The following INPP4B variants were observed in gnomAD, a reference collection of about 807,000 sequenced individuals.
INPP4B encodes inositol polyphosphate-4-phosphatase type II B.
In INPP4B, 55 loss-of-function variants were observed where a neutral mutation model predicts 122.5. That is an observed-to-expected ratio of 0.45 (90% CI 0.36 to 0.56). INPP4B has a LOEUF of 0.56. INPP4B is among the 20% of genes least tolerant of loss of function. The pLI is 0.00. For missense variants in INPP4B, 1,000 were observed against 1,097.7 expected (o/e 0.91, Z 1.26); for synonymous variants, 403 against 388.7 (o/e 1.04, Z -0.43).
intron 2 of INPP4B, among the ~76,000 whole-genome samples, chr4:142,465,218 A>G (rs1212577235): frequency 2.0e-5 from 3 of 152,176 alleles, no homozygotes; most frequent in Admixed American, 1.3e-4. Flanking sequence ...CAACTGTCCT[A>G]TGTGAGCCTG....
At chr4:142,473,174 G>T (rs531165419) in intron 2 of INPP4B, 1 of 152,260 alleles carries the variant, frequency 6.6e-6, no homozygotes, top group Non-Finnish European at 1.5e-5. Context: ...CCTTTTTGGG[G>T]GAAAGGCCAA....
At chr4:142,620,812 C>T (rs1255451668) in intron 2 of INPP4B, among the ~76,000 whole-genome samples, 1 of 151,730 alleles carries the variant, frequency 6.6e-6, no homozygotes, top group Non-Finnish European at 1.5e-5. Flanking sequence ...TCAGATTATT[C>T]CTTGTGTTTC....
At chr4:142,656,696 C>A (rs1023056870) in intron 2 of INPP4B, among the ~76,000 whole-genome samples, 2 of 152,172 alleles carry the variant, frequency 1.3e-5, no homozygotes, top group African/African-American at 4.8e-5. Flanking sequence ...GGTGGAGGAA[C>A]CATTTGCACA....
chr4:142,076,661 T>C (rs1221691846), intron 25 of INPP4B, among the ~76,000 whole-genome samples: 2 of 151,852 alleles, frequency 1.3e-5, no homozygotes, highest in Non-Finnish European at 2.9e-5. Context: ...AGTCAAAAAA[T>C]AGCACACCAA....
At chr4:142,406,225 T>C (rs1002456486) in intron 5 of INPP4B, among the ~76,000 whole-genome samples, 1 of 152,152 alleles carries the variant, frequency 6.6e-6, no homozygotes, top group Non-Finnish European at 1.5e-5. Context: ...CAAGTTAAAT[T>C]CGGCTGGTGG....
chr4:142,229,765 C>T (rs925884576), intron 12 of INPP4B, among the ~76,000 whole-genome samples: 2 of 152,164 alleles, frequency 1.3e-5, no homozygotes, highest in Non-Finnish European at 2.9e-5. Flanking sequence ...AATAATACTA[C>T]AAGGAATCAA....
intron 15 of INPP4B, among the ~76,000 whole-genome samples, chr4:142,178,052 A>T (rs944516696): frequency 2.0e-5 from 3 of 152,132 alleles, no homozygotes; most frequent in Non-Finnish European, 4.4e-5. Context: ...CTGGACTCCA[A>T]TGAAAACAAA....
chr4:142,579,170 A>C (rs778096000), intron 2 of INPP4B, among the ~76,000 whole-genome samples: 11 of 152,074 alleles, frequency 7.2e-5, no homozygotes, highest in Non-Finnish European at 1.5e-4. Flanking sequence ...GTAGGGAGGG[A>C]AGCAAGTGTT....
chr4:142,163,138 G>T (rs1284366642), intron 16 of INPP4B, among the ~76,000 whole-genome samples: 2 of 151,752 alleles, frequency 1.3e-5, no homozygotes, highest in South Asian at 2.1e-4. Flanking sequence ...CTGTGCTTTT[G>T]CTTTCCCATG....
intron 16 of INPP4B, among the ~76,000 whole-genome samples, chr4:142,169,689 A>G (rs886712975): frequency 2.0e-5 from 3 of 151,752 alleles, no homozygotes; most frequent in Non-Finnish European, 4.4e-5. Flanking sequence ...CTGTGAGTAT[A>G]GCCTCTAACA....
chr4:142,654,389 A>AAAAAAAAAAAAAAAAAAAAAAAAAAAC (rs1553983869), intron 2 of INPP4B: 1 of 148,522 alleles, frequency 6.7e-6, no homozygotes. Flanking sequence ...AAAAAAAAAA[A>AAAAAAAAAAAAAAAAAAAAAAAAAAAC]CATAAAATGA....
chr4:142,114,725 C>T (rs1253850963), intron 21 of INPP4B, among the ~76,000 whole-genome samples: 1 of 151,836 alleles, frequency 6.6e-6, no homozygotes, highest in African/African-American at 2.4e-5. Context: ...TGTCTTTTTA[C>T]TTACTTAATG....
chr4:142,770,410 AGAAGAT>A (rs1431522601), intron 1 of INPP4B, among the ~76,000 whole-genome samples: 11 of 152,180 alleles, frequency 7.2e-5, no homozygotes, highest in Admixed American at 2.0e-4. Context: ...CAGCTTATAG[AGAAGAT>A]GAACTTTTCT....
intron 7 of INPP4B, among the ~76,000 whole-genome samples, chr4:142,335,497 G>A (rs924445341): frequency 2.6e-5 from 4 of 152,152 alleles, no homozygotes; most frequent in African/African-American, 9.7e-5. Context: ...CCTTAAGGAT[G>A]TCTTTGCTTC....
chr4:142,334,525 C>T (rs1775866184), intron 7 of INPP4B, among the ~76,000 whole-genome samples: 1 of 152,076 alleles, frequency 6.6e-6, no homozygotes, highest in African/African-American at 2.4e-5. Context: ...TTGAGGAACC[C>T]CCATACTGTT....
At chr4:142,308,997 G>C (rs913147621) in intron 8 of INPP4B, among the ~76,000 whole-genome samples, 1 of 151,950 alleles carries the variant, frequency 6.6e-6, no homozygotes, top group African/African-American at 2.4e-5. Flanking sequence ...TGAAGTCTGC[G>C]GTCTTGAACA....
chr4:142,393,607 C>T (rs948987028), intron 7 of INPP4B, among the ~76,000 whole-genome samples: 3 of 152,208 alleles, frequency 2.0e-5, no homozygotes, highest in Non-Finnish European at 4.4e-5. Flanking sequence ...AAACTAAATA[C>T]GGCCTGAGAA....
chr4:142,578,063 C>G (rs1437686814), intron 2 of INPP4B, among the ~76,000 whole-genome samples: 2 of 151,928 alleles, frequency 1.3e-5, no homozygotes, highest in South Asian at 4.1e-4. Flanking sequence ...GGAAAAACCA[C>G]ACAAAGGTGC....
At chr4:142,076,261 A>G (rs532549854) in intron 25 of INPP4B, among the ~76,000 whole-genome samples, 70 of 152,084 alleles carry the variant, frequency 4.6e-4, no homozygotes, top group Non-Finnish European at 8.8e-4. Flanking sequence ...TAGCACATAC[A>G]TTTTGTTCAG....
Sources: allele counts gnomAD v4.1 joint callset (sites outside exome capture counted in the v4.1 genomes callset), GRCh38; gene constraint gnomAD v4.1.1; transcripts MANE v1.5; gene names NCBI Gene and HGNC (gene_info 2026-07-23, HGNC 2026-07-21).